Variants in ZDHHC20 observed in about 807,000 individuals in gnomAD.
ZDHHC20 encodes palmitoyltransferase ZDHHC20.
Under a neutral mutation model 57.8 loss-of-function variants are expected in ZDHHC20, and 43 were observed. That is an observed-to-expected ratio of 0.74 (90% CI 0.58 to 0.96). The LOEUF (loss-of-function observed/expected upper bound fraction) is 0.96, where lower values mean the gene tolerates loss of function less well. ZDHHC20 is among the 40% of genes least tolerant of loss of function. The pLI, the probability that ZDHHC20 is intolerant of heterozygous loss-of-function variation, is 0.00. For synonymous variants in ZDHHC20, 157 were observed against 153.0 expected, an observed-to-expected ratio of 1.03 and a Z score of -0.19; for missense variants, 391 against 441.1, an observed-to-expected ratio of 0.89 and a Z score of 1.02.
intron 3 of ZDHHC20, 127 bp from the exon 4 acceptor site, chr13:21,413,899 A>ACT: frequency 1.3e-6 from 1 of 741,682 alleles, no homozygotes; most frequent in Non-Finnish European, 2.1e-6. Flanking sequence ...TTGTCTTCAA[A>ACT]AAAAAGCAGA....
At chr13:21,442,950 G>A (rs1223027475) in intron 1 of ZDHHC20, among the ~76,000 whole-genome samples, 1 of 152,126 alleles carries the variant, frequency 6.6e-6, no homozygotes, top group Non-Finnish European at 1.5e-5. Context: ...TTCATGCTGA[G>A]TTACACTGAT....
rs572105106 is a variant in ZDHHC20 at position 21,438,810 on chromosome 13, T to C, written c.119-13132A>G. On this transcript the variant is annotated intron_variant, in intron 1 of 12. Transcript: ENST00000400590. ...CAACAGATGCGGCAAACTTCGTTCT[T>C]GTCGTTTTGAGAAATTGCCACAGCT... Among the ~76,000 whole-genome samples the C allele has an allele frequency of 6.6e-4, 100 of 152,272 alleles. 1 individual carries two copies. The Middle Eastern group carries it at 0.014, about 21-fold the overall frequency.
chr13:21,430,551 T>C (rs990013697), intron 1 of ZDHHC20, among the ~76,000 whole-genome samples: 1 of 151,964 alleles, frequency 6.6e-6, no homozygotes, highest in Non-Finnish European at 1.5e-5. Context: ...GGAGAGGTCT[T>C]AAGCTCAATA....
Position 21,374,905 on chromosome 13 carries a change from G to A in ZDHHC20, c.*1791C>T. 3.0e-6 allele frequency: 1 copy of A among 335,376 alleles called. No individual in the cohort carries two copies. The highest frequency in any genetic ancestry group is 2.3e-5 in the South Asian group (1 of 43,316). The allele number at this position is 335,376 out of a possible 1,614,324, so 20.8% of individuals were successfully genotyped here. On this transcript the variant is annotated 3_prime_UTR_variant, in exon 13 of 13. Coordinates refer to ENST00000400590, the MANE Select transcript of ZDHHC20 (RefSeq NM_001330059.2). ...TCCCAGCACTTTGGGAAGCTGAGGTGGGTGGATTATTTGAGGTCAGGAGTT... is the reference window on the plus strand; with the variant it reads ...TCCCAGCACTTTGGGAAGCTGAGGTAGGTGGATTATTTGAGGTCAGGAGTT...
intron 9 of ZDHHC20, 131 bp downstream of exon 9, chr13:21,387,375 ATT>A (rs1874733978): frequency 2.9e-5 from 19 of 645,250 alleles, no homozygotes; most frequent in Non-Finnish European, 4.2e-5. Flanking sequence ...AAAAAAAGAT[ATT>A]TTGAGTTTTC....
chr13:21,382,085 C>T (rs543969398), intron 10 of ZDHHC20: 26 of 384,780 alleles, frequency 6.8e-5, no homozygotes, highest in South Asian at 7.4e-5. Context: ...GGGCCAGACA[C>T]GATGCTAGGC....
chr13:21,459,281 T>G lies in ZDHHC20; in HGVS notation c.-110A>C. On this transcript the variant is annotated 5_prime_UTR_variant, in exon 1 of 13. Transcript: ENST00000400590. ...CGGCTGCTGGTCCAGCTCCCCCGCCTCCGAGGCAGGACTTGTGGGAGCAAA... is the reference window on the plus strand; with the variant it reads ...CGGCTGCTGGTCCAGCTCCCCCGCCGCCGAGGCAGGACTTGTGGGAGCAAA... 1 of 774,016 alleles carries G rather than the reference T, an allele frequency of 1.3e-6. No homozygotes were observed. The highest frequency in any genetic ancestry group is 2.0e-6 in the Non-Finnish European group (1 of 511,562). The allele number at this position is 774,016 out of a possible 1,614,324, so 47.9% of individuals were successfully genotyped here.
intron 4 of ZDHHC20, among the ~76,000 whole-genome samples, chr13:21,405,690 A>G (rs1878341527): frequency 6.6e-6 from 1 of 152,216 alleles, no homozygotes; most frequent in Non-Finnish European, 1.5e-5. Flanking sequence ...ACTCTCTAAG[A>G]AGGAAATCTG....
At position 21,373,069 on chromosome 13, in the gene ZDHHC20, G is replaced by GTAT. The variant is rs1322404696; in HGVS notation, c.*3624_*3626dup. 3.9e-5 allele frequency: 6 copies of GTAT among 152,146 alleles called. No homozygotes were observed. In the East Asian group the frequency reaches 1.2e-3, roughly 29 times the overall value. The allele number at this position is 152,146 out of a possible 1,614,324, so 9.4% of individuals were successfully genotyped here. The stretch of plus-strand genomic sequence containing the variant: ...TATGAAACATATGGATTTCAGACAT[G>GTAT]TATTATCTGTTTCTAACAGATTATT... On this transcript the variant is annotated 3_prime_UTR_variant, in exon 13 of 13. Transcript: ENST00000400590.
At chr13:21,412,193 T>G (rs1413812186) in intron 4 of ZDHHC20, among the ~76,000 whole-genome samples, 2 of 152,210 alleles carry the variant, frequency 1.3e-5, no homozygotes, top group African/African-American at 4.8e-5. Flanking sequence ...CAGCTGCAAA[T>G]CTACCCCTGG....
intron 2 of ZDHHC20, among the ~76,000 whole-genome samples, chr13:21,423,442 G>A (rs554296615): frequency 6.6e-6 from 1 of 152,246 alleles, no homozygotes; most frequent in African/African-American, 2.4e-5. Context: ...TTGGGAGGCT[G>A]GGGCGGGCGG....
In ZDHHC20 at chr13:21,400,856, G is replaced by A. The variant is rs560778589; in HGVS notation, c.474-363C>T. 2.2e-4 allele frequency among the ~76,000 whole-genome samples: 33 copies of A among 152,008 alleles called. 2 individuals carry two copies. The East Asian group carries it at 4.8e-3, about 22-fold the overall frequency. On this transcript the variant is annotated intron_variant, in intron 6 of 12. Transcript: ENST00000400590. The stretch of plus-strand genomic sequence containing the variant: ...CTCCCAAGTAGCTGGGATTACAGGC[G>A]CCCAACACAACAGCCGGCTAATTTT...
Position 21,454,045 on chromosome 13 carries a change from G to A in ZDHHC20, c.118+5009C>T, listed in dbSNP as rs557117042. On this transcript the variant is annotated intron_variant, in intron 1 of 12. Transcript: ENST00000400590. ...GTATTTTTTGTAGAGATGGAGTTTTGGCAGGCATGGTGGCTCACACCCGTA... is the reference window on the plus strand; with the variant it reads ...GTATTTTTTGTAGAGATGGAGTTTTAGCAGGCATGGTGGCTCACACCCGTA... Among the ~76,000 whole-genome samples, 4 of 152,102 alleles carry A rather than the reference G, an allele frequency of 2.6e-5. No individual in the cohort carries two copies. In the South Asian group the frequency reaches 6.2e-4, roughly 24 times the overall value.
rs144476776 is a variant in ZDHHC20, at chr13:21,456,630, A to G, written c.118+2424T>C. ...GCACTTTTATGCTCAACTATTTTAT[A>G]CTCCAGTGACACTGCAGACCTCCCA... is the stretch of plus-strand genomic sequence containing the variant. On this transcript the variant is annotated intron_variant, in intron 1 of 12. Transcript: ENST00000400590. 7.9e-5 allele frequency among the ~76,000 whole-genome samples: 12 copies of G among 152,268 alleles called. No individual in the cohort carries two copies. The East Asian group carries it at 2.3e-3, about 29-fold the overall frequency.
chr13:21,410,072 G>C (rs1879001846), intron 4 of ZDHHC20, among the ~76,000 whole-genome samples: 1 of 151,926 alleles, frequency 6.6e-6, no homozygotes, highest in Non-Finnish European at 1.5e-5. Flanking sequence ...GTTTTTTTGT[G>C]GTCATCCTTT....
chr13:21,396,938 G>T (rs2137768668), intron 7 of ZDHHC20, among the ~76,000 whole-genome samples: 1 of 152,258 alleles, frequency 6.6e-6, no homozygotes. Flanking sequence ...ACATATTCTG[G>T]TTAGGAGTCC....
intron 3 of ZDHHC20, among the ~76,000 whole-genome samples, chr13:21,415,843 T>A (rs892473634): frequency 1.3e-5 from 2 of 152,146 alleles, no homozygotes; most frequent in African/African-American, 4.8e-5. Context: ...CTATTCCTAG[T>A]CTGCAGTAGT....
chr13:21,443,229 G>GTT (rs201912859), intron 1 of ZDHHC20, among the ~76,000 whole-genome samples: 1 of 151,012 alleles, frequency 6.6e-6, no homozygotes, highest in African/African-American at 2.4e-5. Flanking sequence ...TAGGAGTGGT[G>GTT]TTTTTTTTTA....
At chr13:21,425,043 T>C (rs781298436) in intron 2 of ZDHHC20, among the ~76,000 whole-genome samples, 1 of 152,210 alleles carries the variant, frequency 6.6e-6, no homozygotes, top group Admixed American at 6.5e-5. Context: ...TATGCCCAAT[T>C]AAATTTTGTT....
Sources: gnomAD v4.1 joint callset for allele counts (sites outside exome capture counted in the v4.1 genomes callset) on GRCh38, gnomAD v4.1.1 for gene constraint, MANE v1.5 for transcripts, NCBI Gene and HGNC (gene_info 2026-07-23, HGNC 2026-07-21) for gene names.